RBFOX1: variants seen among roughly 807,000 people sequenced by gnomAD.
RBFOX1 encodes the protein RNA binding fox-1 homolog 1, also known as RNA binding protein fox-1 homolog 1.
A neutral mutation model predicts 57.7 loss-of-function variants in RBFOX1; 8 were observed. That is an observed-to-expected ratio of 0.14 (90% CI 0.08 to 0.25). The LOEUF is 0.25. RBFOX1 is among the 10% of genes least tolerant of loss of function. RBFOX1 has a pLI of 1.00. For missense variants in RBFOX1, 611 were observed against 548.5 expected (o/e 1.11, Z -1.14); for synonymous variants, 326 against 222.4 (o/e 1.47, Z -4.15).
At chr16:6,544,224 C>A (rs926658046) in intron 2 of RBFOX1, among the ~76,000 whole-genome samples, 1 of 152,188 alleles carries the variant, frequency 6.6e-6, no homozygotes, top group Non-Finnish European at 1.5e-5. Context: ...ACTTGGACCA[C>A]ACTTGGTGGG....
chr16:5,899,144 CAA>C (rs35163906), intron 4 of RBFOX1, among the ~76,000 whole-genome samples: 28,580 of 99,652 alleles, frequency 0.29, 2,798 homozygotes, highest in South Asian at 0.45. Flanking sequence ...GACCCTGTCT[CAA>C]AAAAAAAAAA....
At chr16:6,104,486 T>C (rs1159669444) in intron 1 of RBFOX1, among the ~76,000 whole-genome samples, 3 of 152,230 alleles carry the variant, frequency 2.0e-5, no homozygotes, top group Non-Finnish European at 4.4e-5. Flanking sequence ...AATTCAATTA[T>C]CTTTAGAAAA....
At chr16:7,311,547 C>G (rs1385206256) in intron 4 of RBFOX1, among the ~76,000 whole-genome samples, 1 of 135,730 alleles carries the variant, frequency 7.4e-6, no homozygotes, top group Non-Finnish European at 1.5e-5. Flanking sequence ...TTCCCCTTAT[C>G]AAAAACAGTA....
chr16:7,660,304 A>G (rs17687532), intron 12 of RBFOX1, among the ~76,000 whole-genome samples: 14,538 of 152,300 alleles, frequency 0.095, 827 homozygotes, highest in Middle Eastern at 0.19. Context: ...TTGACAAACA[A>G]TACAAGTACC....
intron 4 of RBFOX1, among the ~76,000 whole-genome samples, chr16:7,171,367 A>G (rs913734743): frequency 6.6e-6 from 1 of 152,282 alleles, no homozygotes; most frequent in Admixed American, 6.5e-5. Context: ...AGCACTTGAC[A>G]CATAGTATTT....
At chr16:5,296,683 C>CT (rs908247757) in intron 1 of RBFOX1, among the ~76,000 whole-genome samples, 2,825 of 143,114 alleles carry the variant, frequency 0.02, 73 homozygotes, top group African/African-American at 0.064. Flanking sequence ...CTGAGCTAAA[C>CT]TTTTTTTTTT....
intron 2 of RBFOX1, among the ~76,000 whole-genome samples, chr16:5,493,321 C>T (rs1396033928): frequency 6.6e-6 from 1 of 152,208 alleles, no homozygotes; most frequent in African/African-American, 2.4e-5. Context: ...ACCCTCCCAC[C>T]TTGGCCTCCC....
At chr16:6,863,903 A>G (rs971559823) in intron 3 of RBFOX1, among the ~76,000 whole-genome samples, 1 of 151,118 alleles carries the variant, frequency 6.6e-6, no homozygotes, top group African/African-American at 2.4e-5. Flanking sequence ...TTACCAATCC[A>G]TTGCCATTTG....
At chr16:7,571,708 C>G (rs143452752) in intron 5 of RBFOX1, among the ~76,000 whole-genome samples, 1 of 152,278 alleles carries the variant, frequency 6.6e-6, no homozygotes, top group East Asian at 1.9e-4. Context: ...ATCAGGGAAG[C>G]TCTGCCAAGT....
At chr16:5,894,423 AC>A (rs1413818805) in intron 4 of RBFOX1, among the ~76,000 whole-genome samples, 1 of 151,872 alleles carries the variant, frequency 6.6e-6, no homozygotes, top group Non-Finnish European at 1.5e-5. Flanking sequence ...GCTGTCATGT[AC>A]CACTACACCT....
chr16:6,819,448 G>T (rs370428996), intron 3 of RBFOX1, among the ~76,000 whole-genome samples: 69 of 152,210 alleles, frequency 4.5e-4, no homozygotes, highest in African/African-American at 1.7e-3. Flanking sequence ...CATGGTGGCT[G>T]AGGCCAGTAC....
At chr16:7,172,700 A>T (rs1451124669) in intron 4 of RBFOX1, among the ~76,000 whole-genome samples, 1 of 152,156 alleles carries the variant, frequency 6.6e-6, no homozygotes, top group Admixed American at 6.6e-5. Context: ...GCAGAGGGGG[A>T]TCTTGACACA....
intron 3 of RBFOX1, among the ~76,000 whole-genome samples, chr16:7,044,344 C>G (rs910212495): frequency 1.3e-5 from 2 of 152,098 alleles, no homozygotes; most frequent in Admixed American, 6.5e-5. Flanking sequence ...AAAAATCAGA[C>G]TGAAAACAGG....
At chr16:5,935,354 G>C (rs71392447) in intron 4 of RBFOX1, among the ~76,000 whole-genome samples, 1 of 152,206 alleles carries the variant, frequency 6.6e-6, no homozygotes. Context: ...GCGTGTGGCA[G>C]AGGGTGGAAG....
At chr16:6,925,869 A>G (rs1273893370) in intron 3 of RBFOX1, among the ~76,000 whole-genome samples, 1 of 152,086 alleles carries the variant, frequency 6.6e-6, no homozygotes, top group Non-Finnish European at 1.5e-5. Flanking sequence ...AAAAATCTGT[A>G]ATTACATTTC....
intron 2 of RBFOX1, among the ~76,000 whole-genome samples, chr16:6,359,879 C>T (rs1043280704): frequency 2.6e-5 from 4 of 152,118 alleles, no homozygotes; most frequent in African/African-American, 4.8e-5. Context: ...AATTATAAAG[C>T]TTCATCCAGT....
chr16:5,921,592 G>C (rs565474843), intron 4 of RBFOX1, among the ~76,000 whole-genome samples: 1 of 152,280 alleles, frequency 6.6e-6, no homozygotes, highest in African/African-American at 2.4e-5. Flanking sequence ...TAATGAAGGG[G>C]ATGAGAAATA....
At chr16:7,597,091 T>G in intron 8 of RBFOX1, 1 of 261,492 alleles carries the variant, frequency 3.8e-6, no homozygotes. Context: ...TCTTCAATTA[T>G]GCAGAATCTT....
At chr16:7,411,616 A>G (rs1243814244) in intron 4 of RBFOX1, among the ~76,000 whole-genome samples, 1 of 152,182 alleles carries the variant, frequency 6.6e-6, no homozygotes, top group Non-Finnish European at 1.5e-5. Context: ...AAGACGGGGA[A>G]TGTCAGGCCA....
Sources: gnomAD v4.1 joint callset for allele counts (sites outside exome capture counted in the v4.1 genomes callset) on GRCh38, gnomAD v4.1.1 for gene constraint, MANE v1.5 for transcripts, NCBI Gene and HGNC (gene_info 2026-07-23, HGNC 2026-07-21) for gene names.